The following GRIN2A variants were observed in gnomAD, a reference collection of about 807,000 sequenced individuals.
The protein encoded by GRIN2A is glutamate receptor ionotropic, NMDA 2A.
In GRIN2A, 22 loss-of-function variants were observed where a neutral mutation model predicts 113.4. The observed-to-expected ratio is 0.19, with a 90% CI of 0.14 to 0.28. The LOEUF is 0.28. GRIN2A is among the 10% of genes least tolerant of loss of function. The pLI, the probability that GRIN2A is intolerant of heterozygous loss-of-function variation, is 1.00. For missense variants in GRIN2A, 1,502 were observed against 1,887.0 expected, an observed-to-expected ratio of 0.80 and a Z score of 3.78; for synonymous variants, 827 against 738.4, an observed-to-expected ratio of 1.12 and a Z score of -1.94.
At chr16:9,932,595 G>A (rs927529540) in intron 3 of GRIN2A, among the ~76,000 whole-genome samples, 1 of 151,872 alleles carries the variant, frequency 6.6e-6, no homozygotes, top group Non-Finnish European at 1.5e-5. Flanking sequence ...GTGTTGGCCA[G>A]GCTGGTCGAA....
chr16:9,988,344 A>C (rs565183131), intron 2 of GRIN2A, among the ~76,000 whole-genome samples: 7 of 151,420 alleles, frequency 4.6e-5, no homozygotes, highest in Admixed American at 1.3e-4. Flanking sequence ...CACATTTTTA[A>C]ATTTTTAATA....
intron 4 of GRIN2A, among the ~76,000 whole-genome samples, chr16:9,886,410 A>C (rs1268381751): frequency 6.6e-6 from 1 of 152,226 alleles, no homozygotes; most frequent in East Asian, 1.9e-4. Context: ...CAAATGCATG[A>C]AGGAACCCAG....
chr16:9,792,103 G>GTT (rs1476508034), intron 11 of GRIN2A, among the ~76,000 whole-genome samples: 1 of 145,812 alleles, frequency 6.9e-6, no homozygotes, highest in Non-Finnish European at 1.5e-5. Context: ...GTGTGTGTGT[G>GTT]TGTGTATCTT....
intron 2 of GRIN2A, among the ~76,000 whole-genome samples, chr16:10,054,599 AT>A (rs1052345731): frequency 1.3e-5 from 2 of 152,240 alleles, no homozygotes; most frequent in Non-Finnish European, 2.9e-5. Context: ...TGTTTCGTTG[AT>A]TTAATGACAA....
intron 3 of GRIN2A, among the ~76,000 whole-genome samples, chr16:9,896,068 G>C (rs62034947): frequency 1.3e-5 from 2 of 149,204 alleles, no homozygotes; most frequent in Non-Finnish European, 3.0e-5. Context: ...TTTTTTTTTG[G>C]AAACAGGGTC....
At chr16:9,894,379 G>A (rs2043760676) in intron 3 of GRIN2A, among the ~76,000 whole-genome samples, 1 of 152,212 alleles carries the variant, frequency 6.6e-6, no homozygotes, top group African/African-American at 2.4e-5. Context: ...AAGTGAAAAT[G>A]CTTCTCTGCA....
Position 9,881,783 on chromosome 16 carries a change from T to C in GRIN2A, c.1122+9203A>G, listed in dbSNP as rs185789387. ...TCATGGCTTTACCAATGGGCTGCTATTGTCTTTCTAAGCAAAGAGAGTTGT... is the reference window on the plus strand; with the variant it reads ...TCATGGCTTTACCAATGGGCTGCTACTGTCTTTCTAAGCAAAGAGAGTTGT... On this transcript the variant is annotated intron_variant, in intron 4 of 12. Transcript: ENST00000330684. 2.7e-4 allele frequency among the ~76,000 whole-genome samples: 41 copies of C among 152,350 alleles called. No homozygotes were observed. In the East Asian group the frequency reaches 6.9e-3, roughly 26 times the overall value.
At chr16:10,127,905 C>A (rs2048978396) in intron 2 of GRIN2A, among the ~76,000 whole-genome samples, 1 of 60,010 alleles carries the variant, frequency 1.7e-5, no homozygotes, top group Non-Finnish European at 3.9e-5. Flanking sequence ...TGTTTTTTTG[C>A]TTGTGGGGGC....
intron 2 of GRIN2A, among the ~76,000 whole-genome samples, chr16:10,171,860 C>A (rs1010291188): frequency 7.9e-5 from 12 of 152,150 alleles, no homozygotes; most frequent in African/African-American, 2.9e-4. Context: ...TTATTGTTCC[C>A]ATTTTAGAGA....
At chr16:10,106,853 T>A (rs1365289840) in intron 2 of GRIN2A, among the ~76,000 whole-genome samples, 6 of 152,188 alleles carry the variant, frequency 3.9e-5, no homozygotes, top group Admixed American at 3.9e-4. Context: ...GCAGGGAAGC[T>A]GGGCTGTGCA....
At chr16:10,159,822 C>T (rs1335255779) in intron 2 of GRIN2A, among the ~76,000 whole-genome samples, 2 of 152,220 alleles carry the variant, frequency 1.3e-5, no homozygotes, top group East Asian at 1.9e-4. Context: ...CAAAGCTCCA[C>T]ATTTTTGCAA....
chr16:10,029,734 C>T (rs2046893404), intron 2 of GRIN2A, among the ~76,000 whole-genome samples: 1 of 152,126 alleles, frequency 6.6e-6, no homozygotes, highest in African/African-American at 2.4e-5. Context: ...AATGCTCACG[C>T]CTGTAATCCC....
chr16:9,815,502 A>T (rs1297517402), intron 10 of GRIN2A, among the ~76,000 whole-genome samples: 1 of 152,082 alleles, frequency 6.6e-6, no homozygotes, highest in Non-Finnish European at 1.5e-5. Context: ...AATAAATACA[A>T]TTGCCCAATA....
chr16:10,085,181 G>C (rs1172588248), intron 2 of GRIN2A, among the ~76,000 whole-genome samples: 1 of 152,178 alleles, frequency 6.6e-6, no homozygotes, highest in African/African-American at 2.4e-5. Flanking sequence ...AGAAAGGAGA[G>C]CTTTATTTCT....
intron 2 of GRIN2A, among the ~76,000 whole-genome samples, chr16:9,979,320 G>A (rs932105320): frequency 2.0e-5 from 3 of 152,064 alleles, no homozygotes; most frequent in African/African-American, 7.2e-5. Context: ...CCTATCCCTT[G>A]GGCCACTCTC....
chr16:9,823,037 C>T (rs549375404), intron 9 of GRIN2A, among the ~76,000 whole-genome samples: 3 of 152,298 alleles, frequency 2.0e-5, no homozygotes, highest in African/African-American at 7.2e-5. Context: ...ATGGCAGGCT[C>T]CATGAATACT....
Position 9,754,396 on chromosome 16 carries a change from A to G in GRIN2A, c.*8753T>C, listed in dbSNP as rs182174522. 181 of 209,902 alleles carry G rather than the reference A, an allele frequency of 8.6e-4. 4 individuals are homozygous for G. In the East Asian group the frequency reaches 0.011, roughly 12 times the overall value. 13.0% of individuals were successfully genotyped at this position (209,902 alleles called of 1,614,324 possible). A position where few individuals can be genotyped will look rare whatever the true frequency, so the allele number is the denominator to read the frequency against. On this transcript the variant is annotated 3_prime_UTR_variant, in exon 13 of 13. Coordinates refer to ENST00000330684, the MANE Select transcript of GRIN2A (RefSeq NM_001134407.3). ...TGTCAAGCAGTTTTCTGAATTTTCT[A>G]TGAAAATGTTATTCTTGAACTTATA...
intron 2 of GRIN2A, among the ~76,000 whole-genome samples, chr16:9,953,608 G>A (rs956790766): frequency 1.4e-4 from 22 of 152,108 alleles, no homozygotes; most frequent in African/African-American, 5.3e-4. Context: ...GTTGTTGACA[G>A]CTGTGCATGG....
At chr16:9,883,146 C>A (rs1242382214) in intron 4 of GRIN2A, among the ~76,000 whole-genome samples, 1 of 152,186 alleles carries the variant, frequency 6.6e-6, no homozygotes, top group Non-Finnish European at 1.5e-5. Context: ...AGAATACCTA[C>A]TTTAGAAGTG....
Sources: gnomAD v4.1 joint callset for allele counts (sites outside exome capture counted in the v4.1 genomes callset) on GRCh38, gnomAD v4.1.1 for gene constraint, MANE v1.5 for transcripts, NCBI Gene and HGNC (gene_info 2026-07-23, HGNC 2026-07-21) for gene names.